Variants in GNAO1 observed in about 807,000 individuals in gnomAD.
GNAO1 encodes G protein subunit alpha o1.
For missense variants in GNAO1, 166 were observed against 478.7 expected, an observed-to-expected ratio of 0.35 and a Z score of 6.10; for synonymous variants, 164 against 180.7, an observed-to-expected ratio of 0.91 and a Z score of 0.74.
rs529847642 is a variant in GNAO1 at position 56,333,056 on chromosome 16, G to A, written c.465-1673G>A. Among the ~76,000 whole-genome samples the A allele has an allele frequency of 5.9e-5, 9 of 152,330 alleles. No homozygotes were observed. In the South Asian group the frequency reaches 6.2e-4, roughly 11 times the overall value. The stretch of plus-strand genomic sequence containing the variant: ...CCATCCCCACACCGTTCCTGTCCAC[G>A]GAGGGCAGTCAGGCTCAGGAGAGGA... On this transcript the variant is annotated intron_variant, in intron 4 of 8. Coordinates refer to ENST00000262493, the MANE Select transcript of GNAO1 (RefSeq NM_020988.3).
chr16:56,347,744 C>T (rs1017657872), intron 6 of GNAO1: 2 of 981,210 alleles, frequency 2.0e-6, no homozygotes. Context: ...GGCACCACTA[C>T]TGTCCTCCCC....
At chr16:56,277,059 T>C (rs556737211) in intron 3 of GNAO1, 4 of 152,374 alleles carry the variant, frequency 2.6e-5, no homozygotes, top group African/African-American at 7.2e-5. Context: ...AAATCATCCA[T>C]GATAGACAGC....
chr16:56,340,996 C>T (rs2037797227), intron 6 of GNAO1: 1 of 1,611,264 alleles, frequency 6.2e-7, no homozygotes, highest in African/African-American at 1.3e-5. Flanking sequence ...AGGTAGAGAC[C>T]CCTCCAGGGA....
At chr16:56,234,932 A>G (rs2036623200) in intron 2 of GNAO1, 2 of 217,594 alleles carry the variant, frequency 9.2e-6, no homozygotes, top group East Asian at 1.1e-4. Flanking sequence ...TACACTGGCT[A>G]TTTGCTTGCC....
intron 2 of GNAO1, among the ~76,000 whole-genome samples, chr16:56,254,829 T>C (rs541780949): frequency 2.0e-5 from 3 of 152,320 alleles, no homozygotes; most frequent in African/African-American, 7.2e-5. Context: ...CAGGGAAAGT[T>C]CTCTACTTTT....
intron 2 of GNAO1, among the ~76,000 whole-genome samples, chr16:56,215,255 C>T (rs2036427754): frequency 6.6e-6 from 1 of 152,190 alleles, no homozygotes; most frequent in Non-Finnish European, 1.5e-5. Flanking sequence ...CTGTACCCCA[C>T]CATTAAGAGT....
chr16:56,322,221 G>T (rs1380586434), intron 3 of GNAO1, among the ~76,000 whole-genome samples: 4 of 152,166 alleles, frequency 2.6e-5, no homozygotes, highest in Non-Finnish European at 1.5e-5. Context: ...ATCTTAGGGG[G>T]ACATAAACAA....
chr16:56,208,105 A>G (rs998022421), intron 2 of GNAO1, among the ~76,000 whole-genome samples: 3 of 152,184 alleles, frequency 2.0e-5, no homozygotes, highest in Non-Finnish European at 2.9e-5. Context: ...TATAATTGGA[A>G]TCATGCTATT....
Position 56,192,223 on chromosome 16 carries a change from G to A in GNAO1, c.-13G>A, listed in dbSNP as rs1367496021. 3 of 1,466,604 alleles carry A rather than the reference G, an allele frequency of 2.0e-6. No individual in the cohort carries two copies. Among genetic ancestry groups the A allele is most frequent in the Admixed American group, 1.8e-5 (1 of 56,004 alleles). The allele number at this position is 1,466,604 out of a possible 1,614,324, so 90.8% of individuals were successfully genotyped here. ...AGCCGAGTCGTGCGGGCTGTGGCAG[G>A]GAAGGGGCCACCATGGGATGTACTC... On this transcript the variant is annotated 5_prime_UTR_variant, in exon 1 of 9. Transcript: ENST00000262493.
intron 3 of GNAO1, chr16:56,300,791 T>C (rs563793672): frequency 3.9e-5 from 6 of 152,368 alleles, no homozygotes; most frequent in Admixed American, 1.3e-4. Flanking sequence ...TCTGGTGCCC[T>C]TGATGGAGCT....
intron 3 of GNAO1, chr16:56,301,976 A>G (rs1274847904): frequency 6.6e-6 from 1 of 152,048 alleles, no homozygotes; most frequent in Non-Finnish European, 1.5e-5. Flanking sequence ...AGGTGTGGGC[A>G]GAAAGTCCTG....
intron 2 of GNAO1, among the ~76,000 whole-genome samples, chr16:56,266,332 G>T (rs1359455478): frequency 6.6e-6 from 1 of 152,190 alleles, no homozygotes; most frequent in Non-Finnish European, 1.5e-5. Context: ...GCCAGTCAAG[G>T]AAGCAGCCTT....
intron 5 of GNAO1, chr16:56,336,463 A>G (rs2037741021): frequency 2.8e-6 from 1 of 357,162 alleles, no homozygotes; most frequent in Non-Finnish European, 5.1e-6. Flanking sequence ...TCTTAGTAAA[A>G]TGCTCCTCAG....
chr16:56,340,538 C>T (rs1250710790), intron 6 of GNAO1: 2 of 388,662 alleles, frequency 5.1e-6, no homozygotes, highest in Non-Finnish European at 9.5e-6. Flanking sequence ...GAGCTGGAGC[C>T]TCTCCAGTGA....
At chr16:56,233,931 C>T (rs2036613737) in intron 2 of GNAO1, among the ~76,000 whole-genome samples, 1 of 152,146 alleles carries the variant, frequency 6.6e-6, no homozygotes, top group Non-Finnish European at 1.5e-5. Flanking sequence ...AGGCACTGGA[C>T]CAAAATAAAC....
At chr16:56,334,910 CCAGCCTCT>C in intron 5 of GNAO1, 53 bp downstream of exon 5, 1 of 1,596,024 alleles carries the variant, frequency 6.3e-7, no homozygotes, top group Non-Finnish European at 8.6e-7. Context: ...TGGGACATGC[CCAGCCTCT>C]CAGCGCATTG....
intron 2 of GNAO1, among the ~76,000 whole-genome samples, chr16:56,212,548 A>C (rs764985478): frequency 6.6e-6 from 1 of 152,212 alleles, no homozygotes; most frequent in Non-Finnish European, 1.5e-5. Context: ...CTAAACGACC[A>C]GATTTGTCAC....
chr16:56,204,703 G>C (rs2036310352), intron 2 of GNAO1, among the ~76,000 whole-genome samples: 2 of 152,198 alleles, frequency 1.3e-5, no homozygotes, highest in Admixed American at 1.3e-4. Flanking sequence ...GCTTTTAAAA[G>C]TGCAGTTTCA....
At chr16:56,353,452 T>G (rs1342907310) in intron 7 of GNAO1, 2 of 152,244 alleles carry the variant, frequency 1.3e-5, no homozygotes, top group Non-Finnish European at 2.9e-5. Flanking sequence ...TGACAGATGG[T>G]CACCAGTGCA....
Sources: gnomAD v4.1 joint callset for allele counts (sites outside exome capture counted in the v4.1 genomes callset) on GRCh38, gnomAD v4.1.1 for gene constraint, MANE v1.5 for transcripts, NCBI Gene and HGNC (gene_info 2026-07-23, HGNC 2026-07-21) for gene names.